CDH12: variants seen among roughly 807,000 people sequenced by gnomAD.
CDH12 encodes the protein cadherin 12.
In CDH12, 41 loss-of-function variants were observed where a neutral mutation model predicts 74.1. That is an observed-to-expected ratio of 0.55 (90% CI 0.43 to 0.72). The LOEUF is 0.72. Among genes scored for constraint, CDH12 ranks in the 30% least tolerant of loss-of-function variants. The probability of loss-of-function intolerance (pLI) is 0.00; values close to 1 mark genes in which losing one functional copy is unlikely to be tolerated. For missense variants in CDH12, 945 were observed against 977.2 expected, an observed-to-expected ratio of 0.97 and a Z score of 0.44; for synonymous variants, 399 against 355.0, an observed-to-expected ratio of 1.12 and a Z score of -1.39.
At chr5:22,486,540 CT>C (rs1746607593) in intron 2 of CDH12, among the ~76,000 whole-genome samples, 15 of 151,588 alleles carry the variant, frequency 9.9e-5, no homozygotes, top group Admixed American at 9.9e-4. Flanking sequence ...GAACCTCCGC[CT>C]CCCAGGTTCA....
intron 2 of CDH12, among the ~76,000 whole-genome samples, chr5:22,494,417 G>A (rs1021685790): frequency 2.0e-5 from 3 of 152,282 alleles, no homozygotes; most frequent in Non-Finnish European, 2.9e-5. Context: ...GGCAGGCTCC[G>A]GCTATCCACA....
intron 3 of CDH12, among the ~76,000 whole-genome samples, chr5:22,291,077 T>C (rs1737366746): frequency 6.6e-6 from 1 of 152,154 alleles, no homozygotes; most frequent in Admixed American, 6.5e-5. Flanking sequence ...CATAAATCAA[T>C]AGATGTGATA....
intron 1 of CDH12, among the ~76,000 whole-genome samples, chr5:22,671,672 C>T (rs1375940215): frequency 6.6e-6 from 1 of 152,048 alleles, no homozygotes; most frequent in Admixed American, 6.6e-5. Flanking sequence ...AGATTGGAAA[C>T]AGTGCTTATC....
intron 6 of CDH12, among the ~76,000 whole-genome samples, chr5:21,936,237 T>C (rs1393302224): frequency 2.6e-5 from 4 of 152,184 alleles, no homozygotes; most frequent in Non-Finnish European, 4.4e-5. Context: ...TTTTTCTGTA[T>C]CTCCGCGCCA....
intron 5 of CDH12, among the ~76,000 whole-genome samples, chr5:22,041,189 T>G (rs1371556185): frequency 6.6e-6 from 1 of 151,886 alleles, no homozygotes; most frequent in Non-Finnish European, 1.5e-5. Context: ...ATATAGCAGA[T>G]GCACAAATGT....
At chr5:22,450,188 C>T (rs949873479) in intron 2 of CDH12, among the ~76,000 whole-genome samples, 5 of 151,950 alleles carry the variant, frequency 3.3e-5, no homozygotes, top group African/African-American at 1.2e-4. Context: ...ACTTTGTAAG[C>T]GAAACCTGCA....
chr5:22,799,476 T>C (rs1748400302), intron 1 of CDH12, among the ~76,000 whole-genome samples: 1 of 152,206 alleles, frequency 6.6e-6, no homozygotes, highest in Admixed American at 6.5e-5. Flanking sequence ...TGTGTTTTTA[T>C]TAACTTGTTA....
At chr5:22,107,073 C>T (rs1744488957) in intron 4 of CDH12, among the ~76,000 whole-genome samples, 1 of 151,968 alleles carries the variant, frequency 6.6e-6, no homozygotes, top group African/African-American at 2.4e-5. Flanking sequence ...CAATTCAACT[C>T]CAAGTGCCCA....
intron 3 of CDH12, among the ~76,000 whole-genome samples, chr5:22,343,343 G>C (rs1270423772): frequency 8.7e-5 from 13 of 150,168 alleles, no homozygotes; most frequent in African/African-American, 2.4e-4. Context: ...GAGAGAGAGA[G>C]AGAGAGAGAG....
chr5:22,543,006 A>G (rs1236429180), intron 1 of CDH12, among the ~76,000 whole-genome samples: 3 of 152,216 alleles, frequency 2.0e-5, no homozygotes, highest in African/African-American at 7.2e-5. Flanking sequence ...AGCTCTGATT[A>G]TAAGTTCCTA....
intron 3 of CDH12, among the ~76,000 whole-genome samples, chr5:22,386,902 A>C (rs927439107): frequency 2.0e-5 from 3 of 152,002 alleles, no homozygotes; most frequent in African/African-American, 7.2e-5. Flanking sequence ...ATAATTTTTA[A>C]AAATTTGAGA....
chr5:22,334,996 G>T (rs1739511347), intron 3 of CDH12, among the ~76,000 whole-genome samples: 1 of 151,984 alleles, frequency 6.6e-6, no homozygotes, highest in African/African-American at 2.4e-5. Flanking sequence ...TTGACAAATG[G>T]GGTTACATCA....
chr5:22,827,302 T>C (rs190048741), intron 1 of CDH12, among the ~76,000 whole-genome samples: 66 of 152,320 alleles, frequency 4.3e-4, no homozygotes, highest in African/African-American at 1.5e-3. Flanking sequence ...TGTGTGAAAA[T>C]GTCAGGATGC....
At chr5:21,922,439 A>T (rs905074208) in intron 6 of CDH12, among the ~76,000 whole-genome samples, 1 of 152,166 alleles carries the variant, frequency 6.6e-6, no homozygotes, top group Admixed American at 6.5e-5. Context: ...CATCAAACCT[A>T]CATCTGCTTA....
intron 1 of CDH12, among the ~76,000 whole-genome samples, chr5:22,803,369 C>CT (rs993935337): frequency 4.6e-5 from 7 of 152,268 alleles, no homozygotes; most frequent in South Asian, 2.1e-4. Flanking sequence ...GGAATTTCTT[C>CT]TCTTTTTATT....
chr5:22,667,113 T>C (rs1475495829), intron 1 of CDH12, among the ~76,000 whole-genome samples: 1 of 152,248 alleles, frequency 6.6e-6, no homozygotes, highest in Non-Finnish European at 1.5e-5. Context: ...ATGAGCACTT[T>C]CTTTGTGAAC....
chr5:21,805,813 T>G (rs1747396699), intron 9 of CDH12, among the ~76,000 whole-genome samples: 1 of 152,182 alleles, frequency 6.6e-6, no homozygotes, highest in Non-Finnish European at 1.5e-5. Flanking sequence ...TAAATCATAT[T>G]CTATGATAGA....
At chr5:21,819,533 C>T (rs774589380) in intron 8 of CDH12, among the ~76,000 whole-genome samples, 7 of 152,012 alleles carry the variant, frequency 4.6e-5, no homozygotes, top group East Asian at 1.9e-4. Context: ...TTTGAATTCA[C>T]GGTACGATTG....
chr5:22,749,621 A>T (rs1038392166), intron 1 of CDH12, among the ~76,000 whole-genome samples: 3 of 152,130 alleles, frequency 2.0e-5, no homozygotes, highest in African/African-American at 7.2e-5. Context: ...TACCCCAGAG[A>T]CTCCAAATAG....
Sources: allele counts gnomAD v4.1 joint callset (sites outside exome capture counted in the v4.1 genomes callset), GRCh38; gene constraint gnomAD v4.1.1; transcripts MANE v1.5; gene names NCBI Gene and HGNC (gene_info 2026-07-23, HGNC 2026-07-21).